The following RAD51D variants were observed in gnomAD, a reference collection of about 807,000 sequenced individuals.
RAD51D encodes the protein DNA repair protein RAD51 homolog 4.
A neutral mutation model predicts 44.1 loss-of-function variants in RAD51D; 38 were observed. The ratio of observed to expected loss-of-function variants is 0.86; its 90% CI spans 0.67 to 1.13. The LOEUF is 1.13. Among genes scored for constraint, RAD51D ranks in the 50% most tolerant of loss-of-function variants. RAD51D has a pLI of 0.00. For missense variants in RAD51D, 390 were observed against 414.0 expected (o/e 0.94, Z 0.50); for synonymous variants, 141 against 166.6 (o/e 0.85, Z 1.18).
At chr17:35,101,152 C>A (rs768298299) in intron 9 of RAD51D, 49 bp downstream of exon 9, 1 of 1,613,904 alleles carries the variant, frequency 6.2e-7, no homozygotes, top group Middle Eastern at 1.7e-4. Flanking sequence ...GGTATGGAAA[C>A]CACCCTCCAG....
intron 3 of RAD51D, among the ~76,000 whole-genome samples, chr17:35,112,874 C>T (rs1040441067): frequency 2.6e-5 from 4 of 152,194 alleles, no homozygotes; most frequent in African/African-American, 7.2e-5. Context: ...CGATCCCTGT[C>T]GCATCCCCAG....
At chr17:35,118,474 C>T (rs1417564647) in intron 3 of RAD51D, 27 bp downstream of exon 3, 1 of 1,593,842 alleles carries the variant, frequency 6.3e-7, no homozygotes, top group Non-Finnish European at 8.6e-7. Flanking sequence ...CTGCCTCTCT[C>T]CTTCTTCCCC....
intron 3 of RAD51D, among the ~76,000 whole-genome samples, chr17:35,115,956 G>GGAAAGAAAGAAAAAGAAAGAAA (rs2091735923): frequency 1.5e-5 from 1 of 65,274 alleles, no homozygotes; most frequent in South Asian, 6.7e-4. Context: ...AAGGAAGAAA[G>GGAAAGAAAGAAAAAGAAAGAAA]GAAAGAAAGA....
chr17:35,118,384 A>C, intron 3 of RAD51D, 117 bp downstream of exon 3: 4 of 833,394 alleles, frequency 4.8e-6, no homozygotes, highest in Non-Finnish European at 4.1e-6. Flanking sequence ...TTTCCTTCCC[A>C]TCCATTATTG....
At chr17:35,113,338 G>C (rs532843536) in intron 3 of RAD51D, among the ~76,000 whole-genome samples, 1 of 152,142 alleles carries the variant, frequency 6.6e-6, no homozygotes, top group Non-Finnish European at 1.5e-5. Context: ...GTGTGCTCTC[G>C]GCTCACTGCA....
intron 3 of RAD51D, among the ~76,000 whole-genome samples, chr17:35,116,660 AAT>A (rs2091752111): frequency 1.3e-5 from 2 of 151,870 alleles, no homozygotes; most frequent in Non-Finnish European, 2.9e-5. Flanking sequence ...ACGCCCAGCT[AAT>A]ATTTTGTACT....
chr17:35,107,013 G>T lies in RAD51D; in HGVS notation c.455C>A (p.Ala152Asp), dbSNP rs767981911. 1.2e-6 allele frequency: 2 copies of T among 1,614,160 alleles called. No individual in the cohort carries two copies. Among genetic ancestry groups the T allele is most frequent in the African/African-American group, 2.7e-5 (2 of 75,028 alleles). The change falls in exon 5 of 10, where the codon GCT (alanine) becomes GAT (aspartate). Residue 152 changes from alanine to aspartate, a missense_variant. Coordinates refer to ENST00000345365, the MANE Select transcript of RAD51D (RefSeq NM_002878.4). The stretch of plus-strand genomic sequence containing the variant: ...CTGTTCCTCCTCATCCTGGGTTTTA[G>T]CCTGAAGCAGCTGGAGGAGGCGGGA... ...TASRLLQLLQ[A>D]KTQDEEEQAE...
chr17:35,119,063 C>A, intron 2 of RAD51D, 48 bp downstream of exon 2: 1 of 1,577,686 alleles, frequency 6.3e-7, no homozygotes, highest in Non-Finnish European at 8.7e-7. Flanking sequence ...TTGGGATGGA[C>A]TTTTTAAAAA....
At chr17:35,107,335 A>G (rs2142436010) in intron 4 of RAD51D, 31 bp downstream of exon 4, 3 of 1,527,274 alleles carry the variant, frequency 2.0e-6, no homozygotes, top group Non-Finnish European at 2.7e-6. Context: ...CCTCACCCCT[A>G]AATCCTCCTG....
rs2091468176 is a variant in RAD51D, at chr17:35,093,432, C to T, written c.*7521G>A. 6.6e-6 allele frequency: 1 copy of T among 152,188 alleles called. No homozygotes were observed. The highest frequency in any genetic ancestry group is 2.4e-5 in the African/African-American group (1 of 41,418). The allele number at this position is 152,188 out of a possible 1,614,324, so 9.4% of individuals were successfully genotyped here. The stretch of plus-strand genomic sequence containing the variant: ...TAAGCTGAGGCTATTATACCAAAAA[C>T]TATAGAGAGGCCAAGGAAGAGCAGA... On this transcript the variant is annotated 3_prime_UTR_variant, in exon 10 of 10. Coordinates refer to ENST00000345365, the MANE Select transcript of RAD51D (RefSeq NM_002878.4).
intron 3 of RAD51D, among the ~76,000 whole-genome samples, chr17:35,112,798 G>T (rs544981727): frequency 1.1e-3 from 160 of 152,262 alleles, no homozygotes; most frequent in African/African-American, 3.8e-3. Flanking sequence ...GTAATTATTT[G>T]TTATTTGCTT....
chr17:35,117,740 T>C (rs1254766045), intron 3 of RAD51D, among the ~76,000 whole-genome samples: 1 of 152,176 alleles, frequency 6.6e-6, no homozygotes, highest in African/African-American at 2.4e-5. Flanking sequence ...CGGCCTCCAG[T>C]GATCTGCCGC....
In RAD51D at chr17:35,119,687, G is replaced by A. The variant is rs1197720256; in HGVS notation, c.-74C>T. The A allele has an allele frequency of 2.1e-6, 3 of 1,451,942 alleles. No homozygotes were observed. Among genetic ancestry groups the A allele is most frequent in the Non-Finnish European group, 2.9e-6 (3 of 1,045,278 alleles). 89.9% of individuals were successfully genotyped at this position (1,451,942 alleles called of 1,614,324 possible). ...CATTCGCGGGGGGTCCTCTCCAGACGCCCCTCCCCTACCCCTTCCTAGAGA... is the reference window on the plus strand; with the variant it reads ...CATTCGCGGGGGGTCCTCTCCAGACACCCCTCCCCTACCCCTTCCTAGAGA... On this transcript the variant is annotated 5_prime_UTR_variant, in exon 1 of 10. Transcript: ENST00000345365.
At chr17:35,118,000 T>C (rs1294194488) in intron 3 of RAD51D, among the ~76,000 whole-genome samples, 1 of 152,204 alleles carries the variant, frequency 6.6e-6, no homozygotes, top group African/African-American at 2.4e-5. Context: ...TGCCTGCACA[T>C]AGTAGGCACT....
At chr17:35,117,604 T>G (rs1038966353) in intron 3 of RAD51D, among the ~76,000 whole-genome samples, 3 of 152,128 alleles carry the variant, frequency 2.0e-5, no homozygotes, top group Non-Finnish European at 4.4e-5. Context: ...ATTCTCCTGC[T>G]GCAGCCTCCC....
At chr17:35,110,721 C>T (rs1053079203) in intron 3 of RAD51D, among the ~76,000 whole-genome samples, 1 of 152,212 alleles carries the variant, frequency 6.6e-6, no homozygotes, top group African/African-American at 2.4e-5. Flanking sequence ...TGTGTAATCC[C>T]AGCATTTTGG....
Position 35,108,478 on chromosome 17 carries a change from A to G in RAD51D, c.264-1031T>C, listed in dbSNP as rs185102529. Among the ~76,000 whole-genome samples, 12 of 146,178 alleles carry G rather than the reference A, an allele frequency of 8.2e-5. No homozygotes were observed. In the Middle Eastern group the frequency reaches 0.014, roughly 170 times the overall value. ...AGTTCAAGTCTAGCCCAGGCAACAT[A>G]GCAAGACCCTTTTCTCTTTAAAAAA... is the stretch of plus-strand genomic sequence containing the variant. On this transcript the variant is annotated intron_variant, in intron 3 of 9. Coordinates refer to ENST00000345365, the MANE Select transcript of RAD51D (RefSeq NM_002878.4).
At chr17:35,112,108 C>T (rs1328528445) in intron 3 of RAD51D, among the ~76,000 whole-genome samples, 3 of 152,196 alleles carry the variant, frequency 2.0e-5, no homozygotes, top group East Asian at 1.9e-4. Context: ...GACGGAGTCT[C>T]GCTCTGTCGC....
intron 8 of RAD51D, 113 bp from the exon 9 acceptor site, chr17:35,101,478 C>G: frequency 4.1e-6 from 5 of 1,212,638 alleles, no homozygotes; most frequent in Non-Finnish European, 6.0e-6. Context: ...AATAACTTCC[C>G]CAAGGTTACA....
Sources: gnomAD v4.1 joint callset for allele counts (sites outside exome capture counted in the v4.1 genomes callset) on GRCh38, gnomAD v4.1.1 for gene constraint, MANE v1.5 for transcripts, NCBI Gene and HGNC (gene_info 2026-07-23, HGNC 2026-07-21) for gene names.